The following MARCHF8 variants were observed in gnomAD, a reference collection of about 807,000 sequenced individuals.
The protein encoded by MARCHF8 is E3 ubiquitin-protein ligase MARCHF8.
MARCHF8 carries 40 observed loss-of-function variants against 51.6 expected under a neutral mutation model. The ratio of observed to expected loss-of-function variants is 0.77; its 90% confidence interval spans 0.60 to 1.01. The LOEUF is 1.01. MARCHF8 is among the 50% of genes least tolerant of loss of function. The probability of loss-of-function intolerance (pLI) is 0.00; values close to 1 mark genes in which losing one functional copy is unlikely to be tolerated. For missense variants in MARCHF8, 685 were observed against 708.6 expected, an observed-to-expected ratio of 0.97 and a Z score of 0.38; for synonymous variants, 263 against 280.3, an observed-to-expected ratio of 0.94 and a Z score of 0.62.
chr10:45,461,374 TC>T lies in MARCHF8; in HGVS notation c.1125del (p.Ile376SerfsTer43). 6.3e-7 allele frequency: 1 copy of T among 1,595,818 alleles called. No individual in the cohort carries two copies. Reference protein sequence around the residue: ...CHCEGDDESPLITPCHCTGSL... With the variant: ...CHCEGDDESPXITPCHCTGSL... ...CTTCCTGTGCAGTGGCAGGGGGTGATCAGGGGGCTCTCATCATCTCCTTCAC... is the reference window on the plus strand; with the variant it reads ...CTTCCTGTGCAGTGGCAGGGGGTGATAGGGGGCTCTCATCATCTCCTTCAC... On this transcript the variant is annotated frameshift_variant, in exon 6 of 8. Transcript: ENST00000453424. LOFTEE classifies it high-confidence loss of function.
At chr10:45,512,914 G>T (rs1489779958) in intron 2 of MARCHF8, among the ~76,000 whole-genome samples, 11 of 151,880 alleles carry the variant, frequency 7.2e-5, no homozygotes, top group South Asian at 2.1e-4. Flanking sequence ...CCTGTTGATC[G>T]GTGACCTTAC....
At chr10:45,499,148 G>C (rs11239538) in intron 2 of MARCHF8, among the ~76,000 whole-genome samples, 35,151 of 152,036 alleles carry the variant, frequency 0.23, 4,278 homozygotes, top group Admixed American at 0.3. Flanking sequence ...CATCCTTGAT[G>C]GTTGTAAAGT....
At chr10:45,467,041 C>T (rs966132633) in intron 3 of MARCHF8, among the ~76,000 whole-genome samples, 4 of 152,154 alleles carry the variant, frequency 2.6e-5, no homozygotes, top group Admixed American at 6.5e-5. Flanking sequence ...ACAGTGACAG[C>T]GGACCCAAGG....
rs187638472 is a variant in MARCHF8 at position 45,589,651 on chromosome 10, A to T, written c.-79+4584T>A. ...ATTTGTATTCTGGACATTCCATATA[A>T]ATGTAATCACACAATGTGTTGCCTT... On this transcript the variant is annotated intron_variant, in intron 1 of 6. Coordinates refer to the MARCHF8 transcript ENST00000319836. 7.2e-5 allele frequency among the ~76,000 whole-genome samples: 11 copies of T among 152,274 alleles called. No individual in the cohort carries two copies. In the East Asian group the frequency reaches 2.1e-3, roughly 29 times the overall value.
chr10:45,590,495 T>C (rs1158908176), intron 1 of MARCHF8, among the ~76,000 whole-genome samples: 1 of 152,172 alleles, frequency 6.6e-6, no homozygotes, highest in Non-Finnish European at 1.5e-5. Context: ...GGAAAGCAAT[T>C]TGTATCTAGT....
At chr10:45,552,558 G>T (rs2044207826) in intron 1 of MARCHF8, among the ~76,000 whole-genome samples, 1 of 152,128 alleles carries the variant, frequency 6.6e-6, no homozygotes, top group African/African-American at 2.4e-5. Flanking sequence ...ATCCCTTTGG[G>T]AAGACCTAGA....
intron 5 of MARCHF8, 27 bp from the exon 6 acceptor site, chr10:45,461,438 C>G: frequency 6.6e-7 from 1 of 1,503,780 alleles, no homozygotes; most frequent in Non-Finnish European, 8.9e-7. Context: ...ACCTGTCATT[C>G]CAAGGACAGT....
At chr10:45,524,923 A>G (rs1383375833) in intron 2 of MARCHF8, among the ~76,000 whole-genome samples, 1 of 152,282 alleles carries the variant, frequency 6.6e-6, no homozygotes, top group East Asian at 1.9e-4. Context: ...AGGTTCAAGC[A>G]TTAAACTGGG....
chr10:45,565,345 C>G (rs935189909), intron 1 of MARCHF8, among the ~76,000 whole-genome samples: 1 of 152,006 alleles, frequency 6.6e-6, no homozygotes, highest in Non-Finnish European at 1.5e-5. Flanking sequence ...ATAGGAGGAT[C>G]GCTTGAACCC....
intron 2 of MARCHF8, among the ~76,000 whole-genome samples, chr10:45,507,867 T>C (rs1429064731): frequency 6.6e-6 from 1 of 152,038 alleles, no homozygotes; most frequent in Non-Finnish European, 1.5e-5. Flanking sequence ...GTATCAAATA[T>C]TACACTGATA....
At chr10:45,585,634 T>C (rs530016844) in intron 1 of MARCHF8, among the ~76,000 whole-genome samples, 4 of 152,112 alleles carry the variant, frequency 2.6e-5, no homozygotes, top group Non-Finnish European at 5.9e-5. Context: ...CAGAATGGGA[T>C]CAGAGAAGAG....
chr10:45,492,782 T>A (rs1218902085), intron 2 of MARCHF8, among the ~76,000 whole-genome samples: 2 of 152,220 alleles, frequency 1.3e-5, no homozygotes, highest in African/African-American at 4.8e-5. Context: ...GACCAAAATC[T>A]CACTCCTAAC....
chr10:45,477,028 G>C (rs2042798759), intron 3 of MARCHF8, among the ~76,000 whole-genome samples: 1 of 152,062 alleles, frequency 6.6e-6, no homozygotes, highest in Non-Finnish European at 1.5e-5. Context: ...TATAATTCAA[G>C]GTCTCCTCCA....
At chr10:45,508,032 A>C (rs1249312395) in intron 2 of MARCHF8, among the ~76,000 whole-genome samples, 4 of 152,166 alleles carry the variant, frequency 2.6e-5, no homozygotes, top group Admixed American at 1.3e-4. Context: ...TGATTGTACA[A>C]TGTCCTTGAT....
intron 6 of MARCHF8, among the ~76,000 whole-genome samples, chr10:45,460,508 A>C (rs776354368): frequency 1.5e-4 from 23 of 152,328 alleles, no homozygotes; most frequent in Admixed American, 7.2e-4. Context: ...TGATTATGTG[A>C]CTTATCTTGC....
intron 1 of MARCHF8, among the ~76,000 whole-genome samples, chr10:45,564,259 G>A (rs2044341145): frequency 6.6e-6 from 1 of 152,222 alleles, no homozygotes; most frequent in Non-Finnish European, 1.5e-5. Context: ...GGGCAACAGA[G>A]TGAGACTCCG....
At chr10:45,497,170 A>G (rs1292806246) in intron 2 of MARCHF8, among the ~76,000 whole-genome samples, 1 of 152,144 alleles carries the variant, frequency 6.6e-6, no homozygotes, top group East Asian at 1.9e-4. Context: ...GGTAGTCATT[A>G]TATTAATATC....
intron 1 of MARCHF8, among the ~76,000 whole-genome samples, chr10:45,587,313 AT>A (rs33990034): frequency 6.6e-6 from 1 of 151,916 alleles, no homozygotes; most frequent in Non-Finnish European, 1.5e-5. Flanking sequence ...TTGAGAAATG[AT>A]TTTTTAATCC....
chr10:45,577,969 C>G (rs1309418986), intron 1 of MARCHF8, among the ~76,000 whole-genome samples: 2 of 152,144 alleles, frequency 1.3e-5, no homozygotes, highest in Non-Finnish European at 2.9e-5. Context: ...TTACAGTGAG[C>G]TATGATCATA....
Sources: allele counts gnomAD v4.1 joint callset (sites outside exome capture counted in the v4.1 genomes callset), GRCh38; gene constraint gnomAD v4.1.1; transcripts MANE v1.5; gene names NCBI Gene and HGNC (gene_info 2026-07-23, HGNC 2026-07-21).